PALM2AKAP2: variants seen among roughly 807,000 people sequenced by gnomAD.
PALM2AKAP2 encodes PALM2 and AKAP2 fusion.
A neutral mutation model predicts 71.5 loss-of-function variants in PALM2AKAP2; 37 were observed. The observed-to-expected ratio is 0.52, with a 90% CI of 0.40 to 0.68. PALM2AKAP2 has a LOEUF of 0.68. Ranked by LOEUF, PALM2AKAP2 falls within the 30% of genes least tolerant of loss-of-function variation. The pLI is 0.00. For missense variants in PALM2AKAP2, 1,224 were observed against 1,191.8 expected (o/e 1.03, Z -0.40); for synonymous variants, 468 against 478.8 (o/e 0.98, Z 0.29).
chr9:110,113,769 G>T (rs573155145), intron 1 of PALM2AKAP2, among the ~76,000 whole-genome samples: 10 of 152,100 alleles, frequency 6.6e-5, no homozygotes, highest in Non-Finnish European at 1.5e-4. Flanking sequence ...CTGACCTCAG[G>T]TGATCCACCT....
chr9:109,697,557 G>A (rs1411959073), intron 1 of PALM2AKAP2, among the ~76,000 whole-genome samples: 2 of 152,112 alleles, frequency 1.3e-5, no homozygotes, highest in South Asian at 2.1e-4. Flanking sequence ...TTGAAACAAA[G>A]CATTAGTAGT....
chr9:109,803,131 A>G (rs535194566), intron 1 of PALM2AKAP2, among the ~76,000 whole-genome samples: 1 of 152,350 alleles, frequency 6.6e-6, no homozygotes, highest in African/African-American at 2.4e-5. Context: ...AACACATTAA[A>G]ATGTACACAT....
At chr9:110,136,156 C>A in exon 2 of PALM2AKAP2, 1 of 1,596,400 alleles carries the variant, frequency 6.3e-7, no homozygotes, top group Non-Finnish European at 8.5e-7. Flanking sequence ...AGGATGATAT[C>A]TGGCTAAAAA....
Position 109,997,004 on chromosome 9 carries a change from C to T in PALM2AKAP2, c.497-18950C>T, listed in dbSNP as rs772145672. Among the ~76,000 whole-genome samples, 11 of 152,238 alleles carry T rather than the reference C, an allele frequency of 7.2e-5. No individual in the cohort carries two copies. The South Asian group carries it at 8.3e-4, about 11-fold the overall frequency. On this transcript the variant is annotated intron_variant, in intron 6 of 9. Transcript: ENST00000302798. ...AGGAGTTCAAGACCAGCCTGGCGAACGTGGTGAGACCCCATCTCTACTAAA... is the reference window on the plus strand; with the variant it reads ...AGGAGTTCAAGACCAGCCTGGCGAATGTGGTGAGACCCCATCTCTACTAAA...
intron 1 of PALM2AKAP2, among the ~76,000 whole-genome samples, chr9:109,825,856 A>G (rs943498277): frequency 6.6e-6 from 1 of 152,180 alleles, no homozygotes; most frequent in Non-Finnish European, 1.5e-5. Flanking sequence ...CAGCCATCCC[A>G]TTACTGGGTA....
At chr9:110,151,706 G>A (rs985654446) in intron 2 of PALM2AKAP2, among the ~76,000 whole-genome samples, 1 of 152,208 alleles carries the variant, frequency 6.6e-6, no homozygotes, top group Non-Finnish European at 1.5e-5. Context: ...GGAATAGTTT[G>A]AATATGATCA....
At chr9:110,135,172 A>ATATATATAT in intron 1 of PALM2AKAP2, among the ~76,000 whole-genome samples, 1 of 61,096 alleles carries the variant, frequency 1.6e-5, no homozygotes, top group African/African-American at 6.1e-5. Flanking sequence ...AAAATATATA[A>ATATATATAT]ATATATATAT....
At chr9:110,106,880 C>T (rs1485783105) in intron 1 of PALM2AKAP2, among the ~76,000 whole-genome samples, 1 of 152,196 alleles carries the variant, frequency 6.6e-6, no homozygotes, top group African/African-American at 2.4e-5. Context: ...CAGCAATTAG[C>T]CCCAGGGTGA....
rs555157829 is a variant in PALM2AKAP2 at position 109,660,517 on chromosome 9, G to A, written c.5+19651G>A. 1.7e-3 allele frequency among the ~76,000 whole-genome samples: 262 copies of A among 151,966 alleles called. 3 individuals carry two copies. In the South Asian group the frequency reaches 0.032, roughly 19 times the overall value. ...CAGCTTCATCCATTTTCCTGCAAAG[G>A]ACATGAACTCATCCTTTTTTATGGC... On this transcript the variant is annotated intron_variant, in intron 1 of 6. Coordinates refer to the PALM2AKAP2 transcript ENST00000374531.
At chr9:109,841,267 C>CA (rs1270682214) in intron 1 of PALM2AKAP2, among the ~76,000 whole-genome samples, 2 of 138,888 alleles carry the variant, frequency 1.4e-5, no homozygotes, top group African/African-American at 5.4e-5. Flanking sequence ...ATCGCAGGGA[C>CA]AAAAAACCAA....
At chr9:109,959,046 C>A (rs73539463) in intron 6 of PALM2AKAP2, among the ~76,000 whole-genome samples, 1,923 of 152,230 alleles carry the variant, frequency 0.013, 51 homozygotes, top group African/African-American at 0.044. Flanking sequence ...ACTTGGCAAA[C>A]CCCCCCACCT....
At chr9:109,994,127 G>A (rs1216129984) in intron 6 of PALM2AKAP2, among the ~76,000 whole-genome samples, 4 of 152,222 alleles carry the variant, frequency 2.6e-5, no homozygotes, top group Non-Finnish European at 4.4e-5. Context: ...GGGAGGACGG[G>A]AGGAACTCCC....
At chr9:109,949,300 G>C (rs1831582352) in intron 6 of PALM2AKAP2, among the ~76,000 whole-genome samples, 1 of 152,154 alleles carries the variant, frequency 6.6e-6, no homozygotes, top group African/African-American at 2.4e-5. Context: ...ACTGGATCTG[G>C]GAGCATATTT....
intron 2 of PALM2AKAP2, among the ~76,000 whole-genome samples, chr9:110,152,306 A>G (rs982534095): frequency 6.6e-6 from 1 of 152,214 alleles, no homozygotes; most frequent in African/African-American, 2.4e-5. Context: ...GGATGTTCTC[A>G]TTGAAAATGG....
intron 1 of PALM2AKAP2, among the ~76,000 whole-genome samples, chr9:109,726,381 C>T (rs1015694360): frequency 6.6e-5 from 10 of 152,222 alleles, no homozygotes; most frequent in African/African-American, 2.2e-4. Context: ...CAGCATCTGC[C>T]GGGTCAGCAG....
intron 1 of PALM2AKAP2, among the ~76,000 whole-genome samples, chr9:109,715,682 TC>T (rs574015138): frequency 3.3e-5 from 5 of 152,230 alleles, no homozygotes; most frequent in Non-Finnish European, 7.3e-5. Context: ...AAAAAGGATC[TC>T]CTTCTGAAAG....
At chr9:109,936,980 A>G (rs929170963) in intron 6 of PALM2AKAP2, among the ~76,000 whole-genome samples, 11 of 152,186 alleles carry the variant, frequency 7.2e-5, no homozygotes, top group African/African-American at 2.7e-4. Flanking sequence ...CTTGTTTTGT[A>G]TGCTCTTGGA....
At chr9:109,998,289 T>C (rs1202042363) in intron 6 of PALM2AKAP2, among the ~76,000 whole-genome samples, 1 of 152,154 alleles carries the variant, frequency 6.6e-6, no homozygotes, top group Non-Finnish European at 1.5e-5. Context: ...TTTGACAACT[T>C]ATTTTCCAAC....
Position 110,168,307 on chromosome 9 carries a change from T to C in PALM2AKAP2, c.2749-92T>C, listed in dbSNP as rs78868378. ...TTATCACTTTCTCCTCTCAAGTTGA[T>C]AAAGAGAAAGGAAGAAAGAAACAGA... is the stretch of plus-strand genomic sequence containing the variant. On this transcript the variant is annotated intron_variant, in intron 3 of 3. Transcript: ENST00000374525. 6,906 of 1,480,324 alleles carry C rather than the reference T, an allele frequency of 4.7e-3. 132 individuals are homozygous for C. The African/African-American group carries it at 0.055, about 12-fold the overall frequency. 91.7% of individuals were successfully genotyped at this position (1,480,324 alleles called of 1,614,324 possible). A position where few individuals can be genotyped will look rare whatever the true frequency, so the allele number is the denominator to read the frequency against.
Sources: allele counts gnomAD v4.1 joint callset (sites outside exome capture counted in the v4.1 genomes callset), GRCh38; gene constraint gnomAD v4.1.1; transcripts MANE v1.5; gene names NCBI Gene and HGNC (gene_info 2026-07-23, HGNC 2026-07-21).